Variants in RXFP1 observed in about 807,000 individuals in gnomAD.
RXFP1 encodes the protein relaxin family peptide receptor 1, also known as relaxin receptor 1.
RXFP1 carries 73 observed loss-of-function variants against 89.8 expected under a neutral mutation model. The ratio of observed to expected loss-of-function variants is 0.81; its 90% CI spans 0.67 to 0.99. RXFP1 has a LOEUF of 0.99. RXFP1 is among the 50% of genes least tolerant of loss of function. The pLI, the probability that RXFP1 is intolerant of heterozygous loss-of-function variation, is 0.00. For missense variants in RXFP1, 793 were observed against 895.5 expected (o/e 0.89, Z 1.46); for synonymous variants, 277 against 305.5 (o/e 0.91, Z 0.97).
At chr4:158,591,156 T>C (rs138143672) in intron 2 of RXFP1, among the ~76,000 whole-genome samples, 1 of 152,298 alleles carries the variant, frequency 6.6e-6, no homozygotes, top group East Asian at 1.9e-4. Flanking sequence ...AAAACATATA[T>C]TTAAGTTACC....
intron 2 of RXFP1, among the ~76,000 whole-genome samples, chr4:158,586,322 T>A (rs1454485919): frequency 2.0e-5 from 3 of 152,238 alleles, no homozygotes; most frequent in African/African-American, 7.2e-5. Flanking sequence ...TTTTTAGACT[T>A]TATTTATAGC....
At chr4:158,601,990 C>T (rs1761770378) in intron 4 of RXFP1, among the ~76,000 whole-genome samples, 1 of 152,158 alleles carries the variant, frequency 6.6e-6, no homozygotes, top group Non-Finnish European at 1.5e-5. Context: ...AAAACTAGAG[C>T]TAGCTTTGAC....
intron 1 of RXFP1, among the ~76,000 whole-genome samples, chr4:158,545,038 G>C (rs1747891774): frequency 6.6e-6 from 1 of 151,500 alleles, no homozygotes; most frequent in African/African-American, 2.4e-5. Context: ...CTTCCACAAT[G>C]GTTGAACTAG....
At chr4:158,527,162 G>A (rs1169872998) in intron 1 of RXFP1, among the ~76,000 whole-genome samples, 1 of 152,104 alleles carries the variant, frequency 6.6e-6, no homozygotes, top group Non-Finnish European at 1.5e-5. Context: ...AAAAGCTGTT[G>A]AGATTTTAAA....
intron 2 of RXFP1, among the ~76,000 whole-genome samples, chr4:158,588,862 C>G (rs542186666): frequency 6.6e-6 from 1 of 152,314 alleles, no homozygotes; most frequent in East Asian, 1.9e-4. Context: ...TTCGCCTAGG[C>G]CAGCATTGGG....
chr4:158,567,900 C>T lies in RXFP1; in HGVS notation c.50-4798C>T, dbSNP rs146695793. Among the ~76,000 whole-genome samples, 181 of 152,316 alleles carry T rather than the reference C, an allele frequency of 1.2e-3. 1 individual carries two copies. Among genetic ancestry groups the T allele is most frequent in the African/African-American group, 4.2e-3 (175 of 41,568 alleles). ...GTGGCAACCCGCTCGGGTCTCCTTC[C>T]AGCTTGTGGTGGCTTTGTTCTTTTG... On this transcript the variant is annotated intron_variant, in intron 1 of 17. Coordinates refer to ENST00000307765, the MANE Select transcript of RXFP1 (RefSeq NM_021634.4).
In RXFP1 at chr4:158,633,579, G is replaced by A. The variant is rs145153349; in HGVS notation, c.971+103G>A. On this transcript the variant is annotated intron_variant, in intron 12 of 17. Transcript: ENST00000307765. ...ATTAGCCATTTTTAAGTGTGTAGTT[G>A]AGTAGCATTAGCTACATTCACATTG... The A allele has an allele frequency of 5.0e-5, 34 of 675,008 alleles. No individual in the cohort carries two copies. The Middle Eastern group carries it at 2.2e-3, about 43-fold the overall frequency. 41.8% of individuals were successfully genotyped at this position (675,008 alleles called of 1,614,324 possible).
intron 2 of RXFP1, among the ~76,000 whole-genome samples, chr4:158,593,148 CCCCA>C (rs1230286240): frequency 1.3e-5 from 2 of 151,566 alleles, no homozygotes; most frequent in African/African-American, 4.9e-5. Flanking sequence ...TAATTCACTC[CCCCA>C]AAATGTTTTT....
intron 15 of RXFP1, among the ~76,000 whole-genome samples, chr4:158,646,116 A>G (rs1771491297): frequency 6.6e-6 from 1 of 152,208 alleles, no homozygotes; most frequent in African/African-American, 2.4e-5. Context: ...AAAAAGAAAT[A>G]TGCCAAGTAG....
chr4:158,577,881 T>G (rs1756569222), intron 2 of RXFP1, among the ~76,000 whole-genome samples: 1 of 152,184 alleles, frequency 6.6e-6, no homozygotes, highest in Non-Finnish European at 1.5e-5. Flanking sequence ...CCCAGTTTTC[T>G]CAGAAAACCC....
intron 1 of RXFP1, among the ~76,000 whole-genome samples, chr4:158,527,564 A>AATATATATATATATATATATATATATAT (rs1553989424): frequency 1.3e-4 from 13 of 98,322 alleles, no homozygotes; most frequent in African/African-American, 4.2e-4. Flanking sequence ...AAAAAAAAAA[A>AATATATATATATATATATATATATATAT]ATATATATAT....
chr4:158,525,371 G>T (rs533344784), intron 1 of RXFP1, among the ~76,000 whole-genome samples: 3 of 152,020 alleles, frequency 2.0e-5, no homozygotes, highest in Non-Finnish European at 4.4e-5. Flanking sequence ...CTTATATTGT[G>T]GAGGCTGCTG....
intron 15 of RXFP1, among the ~76,000 whole-genome samples, 170 bp downstream of exon 15, chr4:158,645,308 T>TA (rs1220913905): frequency 6.6e-6 from 1 of 152,208 alleles, no homozygotes; most frequent in African/African-American, 2.4e-5. Context: ...ACTTTAGCAA[T>TA]AAAAAAATAT....
At chr4:158,620,098 A>G (rs1391591416) in intron 9 of RXFP1, among the ~76,000 whole-genome samples, 2 of 152,242 alleles carry the variant, frequency 1.3e-5, no homozygotes, top group Admixed American at 6.5e-5. Context: ...TAAGTAATAT[A>G]GTGGAAAGAT....
chr4:158,572,069 T>G (rs1254867134), intron 1 of RXFP1, among the ~76,000 whole-genome samples: 1 of 152,198 alleles, frequency 6.6e-6, no homozygotes, highest in Non-Finnish European at 1.5e-5. Flanking sequence ...CTGGGCTCTA[T>G]GTAAATCAAT....
intron 1 of RXFP1, among the ~76,000 whole-genome samples, chr4:158,557,518 G>A (rs1361553275): frequency 2.0e-5 from 3 of 152,036 alleles, no homozygotes; most frequent in Non-Finnish European, 4.4e-5. Context: ...TGGAGGCAGG[G>A]TCTCCTCTGT....
chr4:158,529,548 C>A (rs1419765238), intron 1 of RXFP1, among the ~76,000 whole-genome samples: 1 of 152,178 alleles, frequency 6.6e-6, no homozygotes, highest in Non-Finnish European at 1.5e-5. Context: ...GTGTGAGCCA[C>A]TGCTCCCAAA....
intron 9 of RXFP1, among the ~76,000 whole-genome samples, chr4:158,619,530 G>T (rs1345739731): frequency 6.6e-6 from 1 of 152,124 alleles, no homozygotes; most frequent in Non-Finnish European, 1.5e-5. Flanking sequence ...TGCTTTAAAA[G>T]AACTGGGAAC....
intron 9 of RXFP1, among the ~76,000 whole-genome samples, chr4:158,623,554 A>AAGATC (rs1766099062): frequency 6.6e-6 from 1 of 151,144 alleles, no homozygotes; most frequent in Non-Finnish European, 1.5e-5. Context: ...CACTCCATAA[A>AAGATC]AGATCAAGTA....
Sources: allele counts gnomAD v4.1 joint callset (sites outside exome capture counted in the v4.1 genomes callset), GRCh38; gene constraint gnomAD v4.1.1; transcripts MANE v1.5; gene names NCBI Gene and HGNC (gene_info 2026-07-23, HGNC 2026-07-21).